Variants in RNF24 observed in about 807,000 individuals in gnomAD.
RNF24 encodes ring finger protein 24.
Under a neutral mutation model 20.0 loss-of-function variants are expected in RNF24, and 14 were observed. The observed-to-expected ratio is 0.70, with a 90% confidence interval of 0.46 to 1.10. RNF24 has a LOEUF of 1.10. RNF24 is among the 50% of genes least tolerant of loss of function. The pLI is 0.00. For missense variants in RNF24, 124 were observed against 177.6 expected, an observed-to-expected ratio of 0.70 and a Z score of 1.71; for synonymous variants, 45 against 61.1, an observed-to-expected ratio of 0.74 and a Z score of 1.23.
At chr20:3,971,277 C>A (rs1039672770) in intron 1 of RNF24, among the ~76,000 whole-genome samples, 7 of 152,072 alleles carry the variant, frequency 4.6e-5, no homozygotes, top group African/African-American at 4.8e-5. Context: ...AGCAAAAATA[C>A]CCTTCAGGAA....
chr20:3,935,398 C>G (rs917495173), intron 4 of RNF24, among the ~76,000 whole-genome samples: 2 of 152,172 alleles, frequency 1.3e-5, no homozygotes, highest in African/African-American at 4.8e-5. Context: ...AGCCTGCTGT[C>G]CCTTTCCTGG....
chr20:3,970,006 A>G (rs2091298362), intron 1 of RNF24, among the ~76,000 whole-genome samples: 1 of 152,112 alleles, frequency 6.6e-6, no homozygotes, highest in East Asian at 1.9e-4. Context: ...CAACATGGTG[A>G]AAATGAGGCT....
intron 4 of RNF24, among the ~76,000 whole-genome samples, chr20:3,943,067 T>C (rs980206186): frequency 6.6e-6 from 1 of 150,628 alleles, no homozygotes. Context: ...CCTCCTGCCT[T>C]GGCCTCCCAA....
chr20:3,990,382 C>T (rs1157535835), intron 1 of RNF24, among the ~76,000 whole-genome samples: 1 of 152,062 alleles, frequency 6.6e-6, no homozygotes, highest in Non-Finnish European at 1.5e-5. Context: ...TACCTATTGA[C>T]CCAGCAATTC....
rs948637446 is a variant in RNF24 at position 3,933,832 on chromosome 20, C to T, written c.*231G>A. ...CTCATGAAGTTTCTTGAGGCAAACC[C>T]GCAGGCTCATCCACTCCTCTTCTCT... On this transcript the variant is annotated 3_prime_UTR_variant, in exon 6 of 6. Transcript: ENST00000358395. The T allele has an allele frequency of 5.9e-5, 21 of 356,842 alleles. No homozygotes were observed. The highest frequency in any genetic ancestry group is 2.7e-4 in the African/African-American group (13 of 47,652). 22.1% of individuals were successfully genotyped at this position (356,842 alleles called of 1,614,324 possible). A position where few individuals can be genotyped will look rare whatever the true frequency, so the allele number is the denominator to read the frequency against.
At chr20:3,938,015 C>A (rs930630672) in intron 4 of RNF24, among the ~76,000 whole-genome samples, 7 of 152,114 alleles carry the variant, frequency 4.6e-5, no homozygotes, top group African/African-American at 1.7e-4. Context: ...CTATGTTTAC[C>A]TTTTTGAGGA....
At chr20:3,987,052 C>T (rs767824341) in intron 1 of RNF24, among the ~76,000 whole-genome samples, 22 of 152,132 alleles carry the variant, frequency 1.4e-4, no homozygotes, top group Admixed American at 5.2e-4. Context: ...GGATTACAGG[C>T]GTAAGCCACA....
intron 1 of RNF24, among the ~76,000 whole-genome samples, chr20:3,975,986 C>T (rs753477547): frequency 1.3e-5 from 2 of 152,096 alleles, no homozygotes; most frequent in Non-Finnish European, 1.5e-5. Flanking sequence ...GGGGTTTCAC[C>T]GTGTTGGTCA....
intron 2 of RNF24, among the ~76,000 whole-genome samples, chr20:3,951,438 A>G (rs1440014794): frequency 6.6e-6 from 1 of 152,128 alleles, no homozygotes; most frequent in African/African-American, 2.4e-5. Flanking sequence ...GAAATTATAC[A>G]TATACTCTAT....
At chr20:3,992,705 C>T (rs1205678487) in intron 1 of RNF24, among the ~76,000 whole-genome samples, 2 of 152,058 alleles carry the variant, frequency 1.3e-5, no homozygotes, top group African/African-American at 2.4e-5. Flanking sequence ...TCCATGGATT[C>T]CATTAATGAC....
At chr20:3,973,302 C>A (rs6107380) in intron 1 of RNF24, among the ~76,000 whole-genome samples, 7 of 151,568 alleles carry the variant, frequency 4.6e-5, no homozygotes, top group African/African-American at 1.7e-4. Flanking sequence ...TAAACGCACA[C>A]ATAAGAAAAT....
rs560625431 is a variant in RNF24, at chr20:3,932,494, T to A, written c.*1569A>T. The A allele has an allele frequency of 3.8e-5, 6 of 159,938 alleles. No homozygotes were observed. The highest frequency in any genetic ancestry group is 1.3e-4 in the Admixed American group (2 of 15,532). 9.9% of individuals were successfully genotyped at this position (159,938 alleles called of 1,614,324 possible). A position where few individuals can be genotyped will look rare whatever the true frequency, so the allele number is the denominator to read the frequency against. On this transcript the variant is annotated 3_prime_UTR_variant, in exon 6 of 6. Coordinates refer to ENST00000358395, the MANE Select transcript of RNF24 (RefSeq NM_001134337.3). ...CAGCACTGTTCTACACTAATGGAAATTTTCCTCCTCATGCCCAGCCATCTG... is the reference window on the plus strand; with the variant it reads ...CAGCACTGTTCTACACTAATGGAAAATTTCCTCCTCATGCCCAGCCATCTG...
At chr20:4,002,447 A>G (rs1406919511) in intron 1 of RNF24, among the ~76,000 whole-genome samples, 1 of 152,204 alleles carries the variant, frequency 6.6e-6, no homozygotes, top group Non-Finnish European at 1.5e-5. Context: ...AAGGTAAAAG[A>G]TAAAGGATAA....
intron 1 of RNF24, among the ~76,000 whole-genome samples, chr20:4,005,025 A>G (rs1981734547): frequency 6.6e-6 from 1 of 152,210 alleles, no homozygotes; most frequent in Non-Finnish European, 1.5e-5. Flanking sequence ...CAGAGGTGCC[A>G]GTACAGGATA....
chr20:4,012,805 C>G (rs1246773734), intron 1 of RNF24, among the ~76,000 whole-genome samples: 1 of 152,130 alleles, frequency 6.6e-6, no homozygotes. Flanking sequence ...GTCACTCTTG[C>G]AAAATTAAAC....
Position 3,930,597 on chromosome 20 carries a change from C to G in RNF24, c.*3466G>C, listed in dbSNP as rs1436264817. ...GCTAGTGAGTGACAAGAGGTGATTC[C>G]ATCACTCTCTGCCTGGAGCTCTGGG... is the stretch of plus-strand genomic sequence containing the variant. On this transcript the variant is annotated 3_prime_UTR_variant, in exon 6 of 6. Coordinates refer to ENST00000358395, the MANE Select transcript of RNF24 (RefSeq NM_001134337.3). 1 of 152,316 alleles carries G rather than the reference C, an allele frequency of 6.6e-6. No individual in the cohort carries two copies. Among genetic ancestry groups the G allele is most frequent in the Admixed American group, 6.5e-5 (1 of 15,294 alleles). The allele number at this position is 152,316 out of a possible 1,614,324, so 9.4% of individuals were successfully genotyped here.
intron 1 of RNF24, among the ~76,000 whole-genome samples, chr20:4,000,135 G>T (rs1314597055): frequency 6.6e-6 from 1 of 152,180 alleles, no homozygotes; most frequent in Non-Finnish European, 1.5e-5. Context: ...CCACTGAATT[G>T]TACACTTTGA....
chr20:3,971,540 G>A (rs958611537), intron 1 of RNF24, among the ~76,000 whole-genome samples: 6 of 152,062 alleles, frequency 3.9e-5, no homozygotes, highest in Admixed American at 6.6e-5. Context: ...TGTCCAACCC[G>A]GTTCTAAATG....
rs143874765 is a variant in RNF24, at chr20:3,964,039, A to G, written c.-7-15T>C. 3.0e-4 allele frequency: 476 copies of G among 1,608,650 alleles called. 3 individuals are homozygous for G. The East Asian group carries it at 0.01, about 35-fold the overall frequency. ...TCATGGATGAACTGTGGGGGAAGAA[A>G]AGAATGGAAAAAAAATAGGTAAAGA... is the stretch of plus-strand genomic sequence containing the variant. On this transcript the variant is annotated splice_polypyrimidine_tract_variant and intron_variant, in intron 1 of 5. Coordinates refer to ENST00000358395, the MANE Select transcript of RNF24 (RefSeq NM_001134337.3).
Sources: gnomAD v4.1 joint callset for allele counts (sites outside exome capture counted in the v4.1 genomes callset) on GRCh38, gnomAD v4.1.1 for gene constraint, MANE v1.5 for transcripts, NCBI Gene and HGNC (gene_info 2026-07-23, HGNC 2026-07-21) for gene names.